GPHN: variants seen among roughly 807,000 people sequenced by gnomAD.
The protein encoded by GPHN is gephyrin.
Under a neutral mutation model 95.5 loss-of-function variants are expected in GPHN, and 17 were observed. The ratio of observed to expected loss-of-function variants is 0.18; its 90% CI spans 0.12 to 0.27. The LOEUF is 0.27. GPHN is among the 10% of genes least tolerant of loss of function. The pLI is 1.00. For synonymous variants in GPHN, 320 were observed against 322.5 expected (o/e 0.99, Z 0.08); for missense variants, 660 against 978.1 (o/e 0.67, Z 4.34).
chr14:67,542,774 C>T, the GPHN span, among the ~76,000 whole-genome samples: 4 of 152,140 alleles, frequency 2.6e-5, no homozygotes, highest in Non-Finnish European at 5.9e-5. Context: ...CATCGCAGCT[C>T]GCCACAATCT....
chr14:67,460,132 T>G, the GPHN span, among the ~76,000 whole-genome samples: 1 of 152,094 alleles, frequency 6.6e-6, no homozygotes, highest in Non-Finnish European at 1.5e-5. Context: ...GAAGAAAAGG[T>G]GACCATGTAG....
At chr14:67,595,016 A>C in the GPHN span, among the ~76,000 whole-genome samples, 2 of 152,186 alleles carry the variant, frequency 1.3e-5, no homozygotes, top group South Asian at 4.1e-4. Context: ...AGGCACCTGT[A>C]GTCCCAGCTA....
the GPHN span, among the ~76,000 whole-genome samples, chr14:67,603,971 G>A: frequency 6.6e-6 from 1 of 151,876 alleles, no homozygotes; most frequent in East Asian, 1.9e-4. Flanking sequence ...GTGAGCCACC[G>A]CTCCCAGCCC....
At chr14:67,557,272 G>C in the GPHN span, 2,397 of 1,613,444 alleles carry the variant, frequency 1.5e-3, 44 homozygotes, top group African/African-American at 0.026. Flanking sequence ...TTTTCAGGTG[G>C]GTGTCATGGA....
chr14:67,011,610 G>T (rs1488373267), intron 9 of GPHN, among the ~76,000 whole-genome samples: 1 of 149,964 alleles, frequency 6.7e-6, no homozygotes, highest in Non-Finnish European at 1.5e-5. Context: ...GGAAAATTAG[G>T]ATTGTGTTCT....
chr14:67,395,446 G>C, the GPHN span: 1 of 1,614,042 alleles, frequency 6.2e-7, no homozygotes, highest in Non-Finnish European at 8.5e-7. Flanking sequence ...TTCTCAGGCT[G>C]TGCAGCTGCT....
chr14:66,794,213 T>C (rs1313607214), intron 3 of GPHN, among the ~76,000 whole-genome samples: 1 of 152,178 alleles, frequency 6.6e-6, no homozygotes, highest in Non-Finnish European at 1.5e-5. Context: ...ATGAATGGTT[T>C]AGTACCATCC....
chr14:67,598,128 T>C, the GPHN span, among the ~76,000 whole-genome samples: 29 of 152,344 alleles, frequency 1.9e-4, no homozygotes, highest in African/African-American at 5.5e-4. Context: ...TTTGAATGAA[T>C]TCCTTCAATC....
chr14:67,329,212 C>A, the GPHN span, among the ~76,000 whole-genome samples: 1 of 152,078 alleles, frequency 6.6e-6, no homozygotes, highest in African/African-American at 2.4e-5. Context: ...AAGTTGGATT[C>A]CTAGGTATTT....
chr14:67,570,024 C>T, the GPHN span: 34 of 1,533,688 alleles, frequency 2.2e-5, no homozygotes, highest in Non-Finnish European at 2.8e-5. Context: ...TAAGAAACTG[C>T]TGCACAAAGA....
chr14:66,694,879 C>T (rs547266829), intron 2 of GPHN, among the ~76,000 whole-genome samples: 15 of 152,260 alleles, frequency 9.9e-5, no homozygotes, highest in East Asian at 3.9e-4. Context: ...AACCCTAGGC[C>T]GAGCGCAGTG....
chr14:66,677,986 A>T (rs950115134), intron 1 of GPHN, among the ~76,000 whole-genome samples: 1 of 152,058 alleles, frequency 6.6e-6, no homozygotes, highest in Non-Finnish European at 1.5e-5. Context: ...GGATTCCCTT[A>T]TATGTAACTT....
chr14:67,357,255 T>C, the GPHN span, among the ~76,000 whole-genome samples: 231 of 152,388 alleles, frequency 1.5e-3, no homozygotes, highest in Non-Finnish European at 2.5e-3. Flanking sequence ...GCTGCCAGTA[T>C]ATTTTCTAGC....
At chr14:67,070,715 A>AAAAAAAAAAAATATATATATATATATAT in intron 11 of GPHN, among the ~76,000 whole-genome samples, 7 of 80,690 alleles carry the variant, frequency 8.7e-5, no homozygotes, top group Admixed American at 5.1e-4. Context: ...AAAAAAAAAA[A>AAAAAAAAAAAATATATATATATATATAT]ATATATATAT....
intron 1 of GPHN, among the ~76,000 whole-genome samples, chr14:66,658,411 C>A (rs562277562): frequency 6.6e-6 from 1 of 152,004 alleles, no homozygotes; most frequent in Non-Finnish European, 1.5e-5. Flanking sequence ...ATTGACTCTT[C>A]CAATTTTGAA....
chr14:66,843,941 T>C (rs1326341865), intron 4 of GPHN, among the ~76,000 whole-genome samples: 1 of 152,104 alleles, frequency 6.6e-6, no homozygotes, highest in African/African-American at 2.4e-5. Context: ...ATACTAAAAT[T>C]ATTTCTTAAT....
chr14:67,446,258 C>G, the GPHN span, among the ~76,000 whole-genome samples: 2 of 152,180 alleles, frequency 1.3e-5, no homozygotes, highest in African/African-American at 4.8e-5. Flanking sequence ...TGCTTAGGTC[C>G]ACCTGCCCCA....
intron 3 of GPHN, among the ~76,000 whole-genome samples, chr14:66,820,726 CTG>C (rs1175090351): frequency 6.6e-6 from 1 of 152,116 alleles, no homozygotes; most frequent in Non-Finnish European, 1.5e-5. Context: ...AAATGGAGAA[CTG>C]TGTGTCTCAA....
intron 2 of GPHN, among the ~76,000 whole-genome samples, chr14:66,770,176 T>G (rs1451357160): frequency 6.6e-6 from 1 of 152,198 alleles, no homozygotes; most frequent in African/African-American, 2.4e-5. Flanking sequence ...AATAGAGTTG[T>G]TCATTTTCTT....
Sources: gnomAD v4.1 joint callset for allele counts (sites outside exome capture counted in the v4.1 genomes callset) on GRCh38, gnomAD v4.1.1 for gene constraint, MANE v1.5 for transcripts, NCBI Gene and HGNC (gene_info 2026-07-23, HGNC 2026-07-21) for gene names.